The following PHLPP2 variants were observed in gnomAD, a reference collection of about 807,000 sequenced individuals.
The protein encoded by PHLPP2 is PH domain leucine-rich repeat-containing protein phosphatase 2.
Under a neutral mutation model 124.9 loss-of-function variants are expected in PHLPP2, and 66 were observed. The ratio of observed to expected loss-of-function variants is 0.53; its 90% CI spans 0.43 to 0.65. The LOEUF is 0.65. PHLPP2 is among the 30% of genes least tolerant of loss of function. PHLPP2 has a pLI of 0.00. For missense variants in PHLPP2, 1,685 were observed against 1,600.4 expected (o/e 1.05, Z -0.90); for synonymous variants, 681 against 624.7 (o/e 1.09, Z -1.34).
chr16:71,698,433 G>C (rs900823615), intron 3 of PHLPP2: 12 of 725,610 alleles, frequency 1.7e-5, no homozygotes, highest in Admixed American at 7.0e-5. Flanking sequence ...GCTTGGTGCA[G>C]ATGGACATGG....
rs2044644708 is a variant in PHLPP2 at position 71,645,097 on chromosome 16, TACG to T, written c.*3790_*3792del. On this transcript the variant is annotated 3_prime_UTR_variant, in exon 19 of 19. Coordinates refer to ENST00000568954, the MANE Select transcript of PHLPP2 (RefSeq NM_015020.3). Reference sequence around the variant, plus strand: ...ACTATAATGAGTCTTAAGACTACAATACGACAATGATTGCACAAAACCGTAAGA... The same window carrying T: ...ACTATAATGAGTCTTAAGACTACAATACAATGATTGCACAAAACCGTAAGA... 1 of 219,036 alleles carries T rather than the reference TACG, an allele frequency of 4.6e-6. No homozygotes were observed. Among genetic ancestry groups the T allele is most frequent in the African/African-American group, 2.4e-5 (1 of 42,190 alleles). The allele number at this position is 219,036 out of a possible 1,614,324, so 13.6% of individuals were successfully genotyped here.
At position 71,703,818 on chromosome 16, in the gene PHLPP2, G is replaced by C. The variant is rs534429752; in HGVS notation, c.285-1087C>G. On this transcript the variant is annotated intron_variant, in intron 2 of 18. Transcript: ENST00000568954. ...AACAAGATACTATATAGTATGAAAA[G>C]TGCTTAGCAAAATATCTCACATGTA... Among the ~76,000 whole-genome samples, 11 of 152,260 alleles carry C rather than the reference G, an allele frequency of 7.2e-5. No individual in the cohort carries two copies. The East Asian group carries it at 2.1e-3, about 29-fold the overall frequency.
chr16:71,689,996 A>G (rs1283807853), intron 4 of PHLPP2, among the ~76,000 whole-genome samples: 1 of 152,146 alleles, frequency 6.6e-6, no homozygotes, highest in Non-Finnish European at 1.5e-5. Flanking sequence ...ATAGCTTCCT[A>G]AAAATATTAA....
At chr16:71,662,314 C>T (rs2044799289) in intron 13 of PHLPP2, among the ~76,000 whole-genome samples, 1 of 151,458 alleles carries the variant, frequency 6.6e-6, no homozygotes, top group African/African-American at 2.4e-5. Flanking sequence ...CTTATAATCC[C>T]AGCTACTTGG....
At position 71,714,615 on chromosome 16, in the gene PHLPP2, C is replaced by CAGAGGAAGAGGAGGAGGAGGA. The variant is rs1567630627; in HGVS notation, c.160_180dup (p.Ser54_Ser60dup). The stretch of plus-strand genomic sequence containing the variant: ...ACAGTGCAAAGGACGAGATGTAAGT[C>CAGAGGAAGAGGAGGAGGAGGA]AGAGGAAGAGGAGGAGGAGGAAGAG... On this transcript the variant is annotated inframe_insertion, in exon 2 of 19. Transcript: ENST00000568954. 6.2e-7 allele frequency: 1 copy of CAGAGGAAGAGGAGGAGGAGGA among 1,613,956 alleles called. No individual in the cohort carries two copies. The highest frequency in any genetic ancestry group is 1.1e-5 in the South Asian group (1 of 91,058).
intron 2 of PHLPP2, among the ~76,000 whole-genome samples, chr16:71,706,234 A>C (rs2045273101): frequency 6.6e-6 from 1 of 152,084 alleles, no homozygotes; most frequent in African/African-American, 2.4e-5. Flanking sequence ...GTAAATTTGA[A>C]TATATATGCA....
In PHLPP2 at chr16:71,714,800, C is replaced by T. The variant is rs1228583682; in HGVS notation, c.-5G>A. 6.2e-7 allele frequency: 1 copy of T among 1,607,332 alleles called. No homozygotes were observed. Among genetic ancestry groups the T allele is most frequent in the Non-Finnish European group, 8.5e-7 (1 of 1,176,796 alleles). On this transcript the variant is annotated splice_region_variant and 5_prime_UTR_variant, in exon 2 of 19. Coordinates refer to ENST00000568954, the MANE Select transcript of PHLPP2 (RefSeq NM_015020.3). ...TCTGCTCCCATTGCGTTTCATATTT[C>T]TCTAAAAAATATCAAGAGAAAGAAA... is the stretch of plus-strand genomic sequence containing the variant.
chr16:71,658,694 T>A lies in PHLPP2; in HGVS notation c.2107A>T (p.Ile703Phe). The A allele has an allele frequency of 6.2e-7, 1 of 1,614,178 alleles. No homozygotes were observed. Among genetic ancestry groups the A allele is most frequent in the Non-Finnish European group, 8.5e-7 (1 of 1,180,002 alleles). The part of the protein sequence containing the change: ...LHTLVAHSNN[I>F]SIFPEILQLP... ...TGCAGTATTTCTGGGAAAATGCTGA[T>A]GTTGTTGGAGTGTGCAACAAGGGTG... Residue 703 changes from isoleucine (I) to phenylalanine (F), a missense_variant, in exon 14 of 19, where the codon ATC (isoleucine) becomes TTC (phenylalanine). Coordinates refer to ENST00000568954, the MANE Select transcript of PHLPP2 (RefSeq NM_015020.3).
chr16:71,667,361 A>G, intron 11 of PHLPP2, 28 bp from the exon 12 acceptor site: 1 of 1,568,440 alleles, frequency 6.4e-7, no homozygotes, highest in Non-Finnish European at 8.7e-7. Flanking sequence ...AAACAAACAC[A>G]TTAAAAACTT....
At chr16:71,664,164 C>G (rs988605187) in intron 12 of PHLPP2, 65 bp from the exon 13 acceptor site, 3 of 1,057,848 alleles carry the variant, frequency 2.8e-6, no homozygotes, top group Non-Finnish European at 4.4e-6. Flanking sequence ...ATATAGAAAC[C>G]ATCATGTCAC....
rs1299932990 is a variant in PHLPP2, at chr16:71,698,586, T to C, written c.418+4012A>G. ...TGAAAGGCCTGTCTCTAAGGTCCCT[T>C]AGAGCAACCCATACAAGAAACAGGC... On this transcript the variant is annotated intron_variant, in intron 3 of 18. Coordinates refer to ENST00000568954, the MANE Select transcript of PHLPP2 (RefSeq NM_015020.3). 4.8e-6 allele frequency: 3 copies of C among 626,172 alleles called. No individual in the cohort carries two copies. In the African/African-American group the frequency reaches 5.4e-5, roughly 11 times the overall value. The allele number at this position is 626,172 out of a possible 1,614,324, so 38.8% of individuals were successfully genotyped here. A position where few individuals can be genotyped will look rare whatever the true frequency, so the allele number is the denominator to read the frequency against.
chr16:71,723,773 A>G, intron 1 of PHLPP2: 2 of 1,334,416 alleles, frequency 1.5e-6, no homozygotes, highest in African/African-American at 1.5e-5. Context: ...CCTCACCTTC[A>G]GGACCCGGAT....
chr16:71,666,952 C>A (rs2044844799), intron 12 of PHLPP2, among the ~76,000 whole-genome samples: 1 of 152,172 alleles, frequency 6.6e-6, no homozygotes, highest in African/African-American at 2.4e-5. Context: ...GTTTACAACA[C>A]AGAAACCTCT....
At chr16:71,655,503 C>CTTT (rs1224203746) in intron 16 of PHLPP2, 69 bp from the exon 17 acceptor site, 152 of 795,570 alleles carry the variant, frequency 1.9e-4, no homozygotes, top group Non-Finnish European at 2.5e-4. Flanking sequence ...AGGGAGCATT[C>CTTT]TTTTTTTTTT....
Position 71,649,615 on chromosome 16 carries a change from C to A in PHLPP2, c.3247G>T (p.Glu1083Ter). The A allele has an allele frequency of 6.2e-7, 1 of 1,614,170 alleles. No homozygotes were observed. Among genetic ancestry groups the A allele is most frequent in the East Asian group, 2.2e-5 (1 of 44,886 alleles). Residue 1083 changes from glutamate to a stop codon, truncating the protein, a stop_gained, in exon 19 of 19, where the codon GAG becomes TAG. Coordinates refer to ENST00000568954, the MANE Select transcript of PHLPP2 (RefSeq NM_015020.3). LOFTEE classifies it high-confidence loss of function. ...CTGCTCACCTCTGAGGTGGACATCT[C>A]ACTGCTGAACTCAGAGGCAATCCCA... is the stretch of plus-strand genomic sequence containing the variant. ...SSGIASEFSS[E>*]MSTSEVSSEV...
intron 12 of PHLPP2, 150 bp from the exon 13 acceptor site, chr16:71,664,249 T>C (rs1319571680): frequency 1.4e-5 from 9 of 631,078 alleles, no homozygotes; most frequent in Admixed American, 8.4e-5. Context: ...TTTTCTCTAA[T>C]TGATCCTATC....
At chr16:71,723,507 C>A in intron 1 of PHLPP2, 1 of 163,676 alleles carries the variant, frequency 6.1e-6, no homozygotes, top group Non-Finnish European at 1.3e-5. Context: ...CGTGGGCCTG[C>A]GAGGCGGGCG....
chr16:71,685,712 A>C (rs1351335298), intron 4 of PHLPP2, among the ~76,000 whole-genome samples: 1 of 152,218 alleles, frequency 6.6e-6, no homozygotes, highest in Non-Finnish European at 1.5e-5. Context: ...GTTTTAGCAT[A>C]ATCTTTTAAA....
intron 1 of PHLPP2, among the ~76,000 whole-genome samples, chr16:71,722,304 G>A (rs886702524): frequency 1.3e-5 from 2 of 152,002 alleles, no homozygotes; most frequent in African/African-American, 2.4e-5. Context: ...TGTGGTGGCG[G>A]GTGCCCGTGA....
Sources: allele counts gnomAD v4.1 joint callset (sites outside exome capture counted in the v4.1 genomes callset), GRCh38; gene constraint gnomAD v4.1.1; transcripts MANE v1.5; gene names NCBI Gene and HGNC (gene_info 2026-07-23, HGNC 2026-07-21).